Variants in MTMR7 observed in about 807,000 individuals in gnomAD.
MTMR7 encodes the protein myotubularin related protein 7, also known as phosphatidylinositol-3-phosphate phosphatase MTMR7.
In MTMR7, 76 loss-of-function variants were observed where a neutral mutation model predicts 81.2. The ratio of observed to expected loss-of-function variants is 0.94; its 90% CI spans 0.78 to 1.13. MTMR7 has a LOEUF of 1.13. MTMR7 is among the 50% of genes most tolerant of loss of function. The pLI is 0.00. For synonymous variants in MTMR7, 372 were observed against 289.8 expected, an observed-to-expected ratio of 1.28 and a Z score of -2.88; for missense variants, 1,044 against 820.0, an observed-to-expected ratio of 1.27 and a Z score of -3.34.
chr8:17,368,021 C>T (rs564321305), intron 3 of MTMR7, among the ~76,000 whole-genome samples: 4 of 152,166 alleles, frequency 2.6e-5, no homozygotes, highest in South Asian at 2.1e-4. Flanking sequence ...TCTGTAGCAG[C>T]GGTCCACAAC....
At chr8:17,388,210 G>A (rs1387612842) in intron 1 of MTMR7, among the ~76,000 whole-genome samples, 2 of 152,118 alleles carry the variant, frequency 1.3e-5, no homozygotes, top group African/African-American at 4.8e-5. Context: ...AGGCTTAAAA[G>A]AACATGCACT....
Position 17,341,451 on chromosome 8 carries a change from C to G in MTMR7, c.644G>C (p.Arg215Pro). 1.9e-6 allele frequency: 3 copies of G among 1,614,050 alleles called. No individual in the cohort carries two copies. The highest frequency in any genetic ancestry group is 2.2e-5 in the South Asian group (2 of 91,076). Residue 215 changes from arginine to proline, a missense_variant, in exon 6 of 14, where the codon CGG becomes CCG. Transcript: ENST00000180173. ...SSQPLSGFSA[R>P]CLEDEQMLQA... ...GAGCATCTGCTCGTCCTCTAGGCAC[C>G]GGGCACTGAAGCCGGACAGGGGCTG...
At chr8:17,309,155 G>A in intron 10 of MTMR7, 122 bp downstream of exon 10, 1 of 672,888 alleles carries the variant, frequency 1.5e-6, no homozygotes, top group Admixed American at 2.9e-5. Context: ...CAAAATTTAA[G>A]CTTTCTGAAT....
chr8:17,377,022 T>G (rs894321747), intron 1 of MTMR7, among the ~76,000 whole-genome samples: 59 of 152,114 alleles, frequency 3.9e-4, no homozygotes, highest in African/African-American at 1.4e-3. Flanking sequence ...TTCCTTGTAT[T>G]TTTCCCGCCA....
At chr8:17,314,502 C>G (rs1817961207) in intron 7 of MTMR7, among the ~76,000 whole-genome samples, 1 of 152,146 alleles carries the variant, frequency 6.6e-6, no homozygotes, top group South Asian at 2.1e-4. Flanking sequence ...TTTGAAAGCA[C>G]TGTGCATATG....
chr8:17,317,258 G>T (rs150661185), intron 7 of MTMR7, among the ~76,000 whole-genome samples: 1 of 152,170 alleles, frequency 6.6e-6, no homozygotes, highest in Non-Finnish European at 1.5e-5. Flanking sequence ...GCCGTGTGCC[G>T]TGTGCATGGG....
intron 5 of MTMR7, among the ~76,000 whole-genome samples, chr8:17,342,670 G>C (rs1486282649): frequency 6.6e-6 from 1 of 152,156 alleles, no homozygotes; most frequent in East Asian, 1.9e-4. Flanking sequence ...ACATATTACA[G>C]GGGCCATTGT....
At chr8:17,326,400 T>C (rs1275767932) in intron 7 of MTMR7, 1 of 152,204 alleles carries the variant, frequency 6.6e-6, no homozygotes, top group East Asian at 1.9e-4. Context: ...TCCATAAACG[T>C]ATCTTCATTA....
chr8:17,380,456 T>A (rs1194401671), intron 1 of MTMR7, among the ~76,000 whole-genome samples: 1 of 151,844 alleles, frequency 6.6e-6, no homozygotes, highest in Non-Finnish European at 1.5e-5. Context: ...ACAGGTGGCG[T>A]GGCCCGGCCA....
chr8:17,379,494 G>A (rs769535978), intron 1 of MTMR7, among the ~76,000 whole-genome samples: 7 of 152,278 alleles, frequency 4.6e-5, no homozygotes, highest in East Asian at 1.9e-4. Context: ...CCATTAGGCC[G>A]GATTGAGAAA....
Position 17,349,009 on chromosome 8 carries a change from TGGAAC to T in MTMR7, c.536_540del (p.Ser179LysfsTer5). 7 of 1,613,380 alleles carry T rather than the reference TGGAAC, an allele frequency of 4.3e-6. No individual in the cohort carries two copies. The highest frequency in any genetic ancestry group is 5.1e-6 in the Non-Finnish European group (6 of 1,179,936). On this transcript the variant is annotated frameshift_variant, in exon 5 of 14. Transcript: ENST00000180173. LOFTEE classifies it high-confidence loss of function. ...GGAAATCGCCGTCTACTCCGGAATT[TGGAAC>T]TCCCCACTATGATGTGTGCCGTGGC...
intron 5 of MTMR7, among the ~76,000 whole-genome samples, chr8:17,348,529 G>A (rs1819630829): frequency 1.5e-5 from 2 of 134,398 alleles, no homozygotes; most frequent in East Asian, 2.1e-4. Flanking sequence ...TAGCCCAGGT[G>A]ACAGAGTGAG....
intron 7 of MTMR7, among the ~76,000 whole-genome samples, chr8:17,323,904 C>A (rs2150515032): frequency 6.6e-6 from 1 of 152,290 alleles, no homozygotes; most frequent in Middle Eastern, 3.4e-3. Flanking sequence ...TCTTGGTTAA[C>A]AGAACAATAA....
intron 1 of MTMR7, among the ~76,000 whole-genome samples, chr8:17,398,526 G>A (rs532864894): frequency 2.6e-4 from 40 of 152,030 alleles, no homozygotes; most frequent in African/African-American, 9.4e-4. Context: ...ACACAAAGGA[G>A]TAAAAAACAA....
chr8:17,385,048 T>A (rs560618613), intron 1 of MTMR7, among the ~76,000 whole-genome samples: 3 of 152,328 alleles, frequency 2.0e-5, no homozygotes, highest in Non-Finnish European at 2.9e-5. Context: ...CTGGGAGGCA[T>A]GCAAAGAATC....
At chr8:17,410,550 C>T (rs1821709909) in intron 1 of MTMR7, among the ~76,000 whole-genome samples, 1 of 152,102 alleles carries the variant, frequency 6.6e-6, no homozygotes, top group South Asian at 2.1e-4. Flanking sequence ...GGTGTCCCCC[C>T]TTTAACCCAA....
chr8:17,365,994 C>A (rs1820213074), intron 3 of MTMR7, among the ~76,000 whole-genome samples: 1 of 152,120 alleles, frequency 6.6e-6, no homozygotes, highest in Non-Finnish European at 1.5e-5. Context: ...TCATTGTGCT[C>A]CCCTTAACCT....
chr8:17,365,914 A>C (rs1438104598), intron 3 of MTMR7, among the ~76,000 whole-genome samples: 7 of 152,220 alleles, frequency 4.6e-5, no homozygotes, highest in Non-Finnish European at 8.8e-5. Context: ...TCAGTGTTTC[A>C]GTTGAAAGCA....
At chr8:17,312,725 G>A (rs1040221953) in intron 8 of MTMR7, among the ~76,000 whole-genome samples, 2 of 151,866 alleles carry the variant, frequency 1.3e-5, no homozygotes, top group Non-Finnish European at 2.9e-5. Context: ...TTGAATAAAT[G>A]ATTACCTCAA....
Sources: gnomAD v4.1 joint callset for allele counts (sites outside exome capture counted in the v4.1 genomes callset) on GRCh38, gnomAD v4.1.1 for gene constraint, MANE v1.5 for transcripts, NCBI Gene and HGNC (gene_info 2026-07-23, HGNC 2026-07-21) for gene names.